Variants in COL17A1 observed in about 807,000 individuals in gnomAD.
COL17A1 encodes collagen alpha-1(XVII) chain.
COL17A1 carries 181 observed loss-of-function variants against 218.4 expected under a neutral mutation model. The ratio of observed to expected loss-of-function variants is 0.83; its 90% confidence interval spans 0.73 to 0.94. COL17A1 has a LOEUF of 0.94. Ranked by LOEUF, COL17A1 falls within the 40% of genes least tolerant of loss-of-function variation. COL17A1 has a pLI of 0.00. For synonymous variants in COL17A1, 721 were observed against 731.0 expected (o/e 0.99, Z 0.22); for missense variants, 1,924 against 1,945.9 (o/e 0.99, Z 0.21).
chr10:104,041,310 G>C lies in COL17A1; in HGVS notation c.2640C>G (p.Gly880=), dbSNP rs1040544284. ...GGTAAGCTCGGCTCTCACCTGGTGG[G>C]CCTCGGGGTCCTGGTGGGCCTGGAA... ...PSIPGPPGPR[G]PPGEGLPGPP... is the part of the protein sequence containing the mutation. The change falls in exon 38 of 56, where the codon GGC becomes GGG. Residue 880 remains glycine (G), a synonymous_variant. Transcript: ENST00000648076. 1 of 1,607,126 alleles carries C rather than the reference G, an allele frequency of 6.2e-7. No homozygotes were observed. Among genetic ancestry groups the C allele is most frequent in the Non-Finnish European group, 8.5e-7 (1 of 1,177,214 alleles).
chr10:104,081,598 T>A (rs531107669), intron 1 of COL17A1, among the ~76,000 whole-genome samples: 1 of 152,336 alleles, frequency 6.6e-6, no homozygotes, highest in South Asian at 2.1e-4. Flanking sequence ...ACCTGAAATC[T>A]GACTTACCCT....
Position 104,033,978 on chromosome 10 carries a change from C to G in COL17A1, c.4123G>C (p.Glu1375Gln). 1 of 1,614,214 alleles carries G rather than the reference C, an allele frequency of 6.2e-7. No individual in the cohort carries two copies. Among genetic ancestry groups the G allele is most frequent in the South Asian group, 1.1e-5 (1 of 91,082 alleles). ...CTCTCTGACACCCTCACAGCCAGCT[C>G]ATTGTAATCCAGATCTCCAGCAAAG... ...ADFAGDLDYN[E>Q]LAVRVSESMQ... The change falls in exon 52 of 56, where the codon GAG becomes CAG. Residue 1375 changes from glutamate (E) to glutamine (Q), a missense_variant. Coordinates refer to ENST00000648076, the MANE Select transcript of COL17A1 (RefSeq NM_000494.4).
chr10:104,037,695 A>G lies in COL17A1; in HGVS notation c.3149T>C (p.Ile1050Thr), dbSNP rs1264028100. ...TGAGTAGTCGAAAGTCTCGCCTGTG[A>G]TGGTGGTGACAGGTCCTGGGGGACC... ...PPGPPGPVTTITGETFDYSEL... is the reference protein window; with the variant it reads ...PPGPPGPVTTTTGETFDYSEL... The change falls in exon 46 of 56, where the codon ATC becomes ACC. Residue 1050 changes from isoleucine (I) to threonine (T), a missense_variant. By Grantham distance (89) the Ile-to-Thr change is moderately conservative. Coordinates refer to ENST00000648076, the MANE Select transcript of COL17A1 (RefSeq NM_000494.4). The G allele has an allele frequency of 6.2e-7, 1 of 1,614,032 alleles. No individual in the cohort carries two copies. Among genetic ancestry groups the G allele is most frequent in the Non-Finnish European group, 8.5e-7 (1 of 1,180,030 alleles).
In COL17A1 at chr10:104,035,524, G is replaced by A; in HGVS notation, c.3458C>T (p.Pro1153Leu). ...ATAGGAGGTTCCCGGCAAGCCAGGG[G>A]GCCCCGGGGGACCAGGAAGCCCAAT... ...ISIGLPGPPGPPGLPGTSYEE... is the reference protein window; with the variant it reads ...ISIGLPGPPGLPGLPGTSYEE... Residue 1153 changes from proline to leucine, a missense_variant, in exon 49 of 56, where the codon CCC becomes CTC. Pro to Leu is a moderately conservative substitution (Grantham distance 98, BLOSUM62 -3). Coordinates refer to ENST00000648076, the MANE Select transcript of COL17A1 (RefSeq NM_000494.4). The A allele has an allele frequency of 2.5e-6, 4 of 1,614,076 alleles. No individual in the cohort carries two copies. The highest frequency in any genetic ancestry group is 1.7e-4 in the Middle Eastern group (1 of 6,058).
chr10:104,076,533 T>C, intron 4 of COL17A1, 104 bp from the exon 5 acceptor site: 1 of 1,522,758 alleles, frequency 6.6e-7, no homozygotes, highest in Non-Finnish European at 9.0e-7. Context: ...AGGGAGGGTC[T>C]TCGGGAGGGC....
Position 104,061,395 on chromosome 10 carries a change from C to T in COL17A1, c.979+10G>A, listed in dbSNP as rs1299417158. ...CAGCCTGAACCCTGGCAGCTGGGAG[C>T]AGCACTCACCGGCGGAGGTGGAAAC... On this transcript the variant is annotated intron_variant, in intron 13 of 55. Coordinates refer to ENST00000648076, the MANE Select transcript of COL17A1 (RefSeq NM_000494.4). 1 of 1,612,682 alleles carries T rather than the reference C, an allele frequency of 6.2e-7. No homozygotes were observed. Among genetic ancestry groups the T allele is most frequent in the Non-Finnish European group, 8.5e-7 (1 of 1,179,698 alleles).
In COL17A1 at chr10:104,043,414, G is replaced by A. The variant is rs975944870; in HGVS notation, c.2515+87C>T. The stretch of plus-strand genomic sequence containing the variant: ...CTTTACCAGGTTCAGTTCCTGCCCT[G>A]GGTTTCAGGATCTGAAGAAATATGG... On this transcript the variant is annotated intron_variant, in intron 35 of 55. Transcript: ENST00000648076. 2.4e-6 allele frequency: 3 copies of A among 1,240,672 alleles called. No individual in the cohort carries two copies. The African/African-American group carries it at 4.4e-5, about 18-fold the overall frequency. 76.9% of individuals were successfully genotyped at this position (1,240,672 alleles called of 1,614,324 possible). A position where few individuals can be genotyped will look rare whatever the true frequency, so the allele number is the denominator to read the frequency against.
chr10:104,050,272 T>C (rs1413766850), intron 27 of COL17A1, 148 bp from the exon 28 acceptor site: 9 of 1,252,972 alleles, frequency 7.2e-6, no homozygotes, highest in Non-Finnish European at 8.9e-6. Context: ...ACAGCATTAA[T>C]GCAGCCAAAG....
At chr10:104,033,087 A>G in intron 53 of COL17A1, 119 bp from the exon 54 acceptor site, 1 of 1,516,278 alleles carries the variant, frequency 6.6e-7, no homozygotes, top group Non-Finnish European at 9.0e-7. Context: ...TGTAAGAGGA[A>G]ACAAAGTTCA....
chr10:104,046,896 C>T (rs900638239), intron 31 of COL17A1, 123 bp from the exon 32 acceptor site: 45 of 870,390 alleles, frequency 5.2e-5, no homozygotes, highest in Admixed American at 4.2e-4. Context: ...CAGAAGGACA[C>T]GTCTCATGCC....
chr10:104,034,620 C>G lies in COL17A1; in HGVS notation c.3766+1G>C, dbSNP rs2086256572. The stretch of plus-strand genomic sequence containing the variant: ...TGGGGCATCACCGTCGGGGCACCTA[C>G]TTGTGAGGTAGCTGATCAGCTCGCT... On this transcript the variant is annotated splice_donor_variant, in intron 51 of 55. Coordinates refer to ENST00000648076, the MANE Select transcript of COL17A1 (RefSeq NM_000494.4). LOFTEE classifies it high-confidence loss of function. The G allele has an allele frequency of 6.2e-7, 1 of 1,609,618 alleles. No homozygotes were observed. Among genetic ancestry groups the G allele is most frequent in the Non-Finnish European group, 8.5e-7 (1 of 1,178,140 alleles).
chr10:104,036,091 T>TGA (rs1564671251), intron 48 of COL17A1, among the ~76,000 whole-genome samples: 7 of 3,450 alleles, frequency 2.0e-3, no homozygotes, highest in Non-Finnish European at 3.9e-3. Context: ...TGTATGGGAG[T>TGA]GTGTGTGTAT....
At chr10:104,033,185 G>C (rs540484770) in intron 53 of COL17A1, 53 bp downstream of exon 53, 1 of 1,562,220 alleles carries the variant, frequency 6.4e-7, no homozygotes, top group Non-Finnish European at 8.7e-7. Context: ...GAGCAGACCC[G>C]TGGGAACCTA....
chr10:104,045,268 C>T (rs2086397512), intron 33 of COL17A1, among the ~76,000 whole-genome samples: 1 of 152,324 alleles, frequency 6.6e-6, no homozygotes, highest in Non-Finnish European at 1.5e-5. Context: ...CTTAACACTC[C>T]TCTCTGCCTG....
At chr10:104,084,332 C>T (rs190802261) in intron 1 of COL17A1, among the ~76,000 whole-genome samples, 35 of 147,648 alleles carry the variant, frequency 2.4e-4, no homozygotes, top group East Asian at 2.0e-3. Context: ...TTTTTTGAGA[C>T]GGAGTCTTGC....
intron 44 of COL17A1, 100 bp from the exon 45 acceptor site, chr10:104,038,628 T>G: frequency 6.8e-7 from 1 of 1,476,386 alleles, no homozygotes; most frequent in Non-Finnish European, 9.3e-7. Context: ...GAGGGTCTTC[T>G]CAGGAGGAGA....
chr10:104,043,732 C>T (rs2086383755), intron 34 of COL17A1, 93 bp downstream of exon 34: 1 of 1,562,318 alleles, frequency 6.4e-7, no homozygotes, highest in East Asian at 2.2e-5. Context: ...CAAAAAACTC[C>T]CAGCCACATC....
intron 20 of COL17A1, among the ~76,000 whole-genome samples, 184 bp downstream of exon 20, chr10:104,054,797 G>A (rs1022249156): frequency 6.6e-6 from 1 of 152,180 alleles, no homozygotes; most frequent in African/African-American, 2.4e-5. Context: ...GCTGGACCAA[G>A]GAAAACTGCT....
chr10:104,079,615 A>G (rs1214566856), intron 2 of COL17A1, among the ~76,000 whole-genome samples: 1 of 152,202 alleles, frequency 6.6e-6, no homozygotes, highest in Non-Finnish European at 1.5e-5. Flanking sequence ...GACATGCCAG[A>G]AACAGTACTT....
Sources: allele counts gnomAD v4.1 joint callset (sites outside exome capture counted in the v4.1 genomes callset), GRCh38; gene constraint gnomAD v4.1.1; transcripts MANE v1.5; gene names NCBI Gene and HGNC (gene_info 2026-07-23, HGNC 2026-07-21).